Variants in KCNMA1 observed in about 807,000 individuals in gnomAD.
The protein encoded by KCNMA1 is Calcium-activated potassium channel subunit alpha-1.
Under a neutral mutation model 140.0 loss-of-function variants are expected in KCNMA1, and 29 were observed. That is an observed-to-expected ratio of 0.21 (90% CI 0.15 to 0.28). The LOEUF (loss-of-function observed/expected upper bound fraction) is 0.28, where lower values mean the gene tolerates loss of function less well. Among genes scored for constraint, KCNMA1 ranks in the 10% least tolerant of loss-of-function variants. KCNMA1 has a pLI of 1.00. For missense variants in KCNMA1, 880 were observed against 1,602.2 expected (o/e 0.55, Z 7.70); for synonymous variants, 612 against 611.9 (o/e 1.00, Z 0.00).
chr10:77,112,827 C>A (rs187026586), intron 6 of KCNMA1, among the ~76,000 whole-genome samples: 1 of 150,148 alleles, frequency 6.7e-6, no homozygotes, highest in Admixed American at 6.6e-5. Context: ...TTCTTCTCTT[C>A]TTCTTGCCAT....
chr10:76,969,880 G>A (rs1197765084), intron 20 of KCNMA1, 94 bp downstream of exon 20: 8 of 962,362 alleles, frequency 8.3e-6, no homozygotes, highest in African/African-American at 4.8e-5. Context: ...TTGCTGGGGA[G>A]GGGAGACTCT....
At chr10:77,472,599 G>A (rs985610103) in intron 1 of KCNMA1, among the ~76,000 whole-genome samples, 5 of 152,176 alleles carry the variant, frequency 3.3e-5, no homozygotes, top group African/African-American at 7.2e-5. Context: ...ATAGGCATTT[G>A]GAAAATTAGC....
At chr10:76,894,114 G>A (rs185629663) in intron 25 of KCNMA1, among the ~76,000 whole-genome samples, 1 of 152,262 alleles carries the variant, frequency 6.6e-6, no homozygotes, top group Non-Finnish European at 1.5e-5. Context: ...AGATAGTAAT[G>A]GCATAGGATA....
intron 3 of KCNMA1, among the ~76,000 whole-genome samples, chr10:77,200,831 C>T (rs1345651105): frequency 1.3e-5 from 2 of 152,190 alleles, no homozygotes; most frequent in African/African-American, 2.4e-5. Context: ...AAATTGTATA[C>T]ATGTGATCAC....
At chr10:77,023,621 G>A (rs2093103234) in intron 16 of KCNMA1, among the ~76,000 whole-genome samples, 1 of 152,166 alleles carries the variant, frequency 6.6e-6, no homozygotes, top group Non-Finnish European at 1.5e-5. Flanking sequence ...ATGACTCTCA[G>A]TTGGAACTTT....
At chr10:76,943,071 A>T (rs1458998691) in intron 23 of KCNMA1, among the ~76,000 whole-genome samples, 1 of 152,194 alleles carries the variant, frequency 6.6e-6, no homozygotes, top group Non-Finnish European at 1.5e-5. Context: ...CAGAGAGGAC[A>T]CATATTGAAA....
At chr10:77,429,751 G>C (rs2097109260) in intron 1 of KCNMA1, among the ~76,000 whole-genome samples, 1 of 152,050 alleles carries the variant, frequency 6.6e-6, no homozygotes, top group South Asian at 2.1e-4. Flanking sequence ...ATCTTTCAGA[G>C]TTCCTGTTCC....
At chr10:77,602,035 C>A (rs187087365) in intron 1 of KCNMA1, among the ~76,000 whole-genome samples, 2 of 152,316 alleles carry the variant, frequency 1.3e-5, no homozygotes, top group African/African-American at 4.8e-5. Context: ...GAGAATGAGA[C>A]TGTCCTTTAT....
chr10:77,632,721 A>G (rs1416495991), intron 1 of KCNMA1, among the ~76,000 whole-genome samples: 4 of 152,202 alleles, frequency 2.6e-5, no homozygotes, highest in Non-Finnish European at 4.4e-5. Flanking sequence ...TGCGCCCTTC[A>G]GGGGCTATAA....
intron 12 of KCNMA1, among the ~76,000 whole-genome samples, chr10:77,084,013 C>A (rs1487812800): frequency 1.3e-5 from 2 of 152,194 alleles, no homozygotes; most frequent in African/African-American, 4.8e-5. Flanking sequence ...AACAGCCTAA[C>A]TGGTCACTAA....
chr10:77,136,472 T>C (rs2098031307), intron 5 of KCNMA1, among the ~76,000 whole-genome samples: 1 of 152,134 alleles, frequency 6.6e-6, no homozygotes, highest in Admixed American at 6.5e-5. Context: ...GGAGCTCTGT[T>C]TTGCAACAAT....
chr10:77,136,966 T>C (rs2098051970), intron 5 of KCNMA1, among the ~76,000 whole-genome samples: 1 of 152,160 alleles, frequency 6.6e-6, no homozygotes. Flanking sequence ...CGAAACTTGC[T>C]GCCCAGGGCC....
intron 2 of KCNMA1, among the ~76,000 whole-genome samples, chr10:77,314,395 T>C (rs188306723): frequency 7.4e-4 from 112 of 152,152 alleles, no homozygotes; most frequent in Admixed American, 1.8e-3. Flanking sequence ...AAAAAGAAAA[T>C]GTTTCCTAGA....
intron 1 of KCNMA1, among the ~76,000 whole-genome samples, chr10:77,486,654 C>T (rs1378435693): frequency 1.3e-5 from 2 of 152,174 alleles, no homozygotes; most frequent in Non-Finnish European, 2.9e-5. Context: ...TGGGTACAGC[C>T]GGCTTAGTTC....
intron 2 of KCNMA1, among the ~76,000 whole-genome samples, chr10:77,381,875 C>T (rs1566434253): frequency 6.6e-6 from 1 of 152,318 alleles, no homozygotes; most frequent in East Asian, 1.9e-4. Flanking sequence ...GGATGCTGGG[C>T]AACCCGGCTT....
chr10:77,459,510 C>T, intron 1 of KCNMA1, among the ~76,000 whole-genome samples: 1 of 152,244 alleles, frequency 6.6e-6, no homozygotes, highest in East Asian at 1.9e-4. Context: ...TGGCTAACAG[C>T]ATGTAGGTGT....
chr10:77,379,863 A>G (rs893882650), intron 2 of KCNMA1, among the ~76,000 whole-genome samples: 6 of 152,094 alleles, frequency 3.9e-5, no homozygotes, highest in Admixed American at 1.3e-4. Context: ...TTGGGTCAGC[A>G]CCTCCATCAG....
chr10:77,237,503 G>A (rs991590986), intron 3 of KCNMA1, among the ~76,000 whole-genome samples: 6 of 152,118 alleles, frequency 3.9e-5, no homozygotes, highest in Admixed American at 3.9e-4. Flanking sequence ...TGTCCCTCAG[G>A]CTGGAACACA....
chr10:76,904,797 C>A (rs1488272381), intron 25 of KCNMA1: 1 of 152,388 alleles, frequency 6.6e-6, no homozygotes, highest in East Asian at 1.9e-4. Flanking sequence ...AAGCAAGTGA[C>A]CGGAAGGCCA....
Sources: gnomAD v4.1 joint callset for allele counts (sites outside exome capture counted in the v4.1 genomes callset) on GRCh38, gnomAD v4.1.1 for gene constraint, MANE v1.5 for transcripts, NCBI Gene and HGNC (gene_info 2026-07-23, HGNC 2026-07-21) for gene names.